PTPRN2: variants seen among roughly 807,000 people sequenced by gnomAD.
The protein encoded by PTPRN2 is receptor-type tyrosine-protein phosphatase N2.
PTPRN2 carries 74 observed loss-of-function variants against 118.8 expected under a neutral mutation model. The ratio of observed to expected loss-of-function variants is 0.62; its 90% confidence interval spans 0.52 to 0.76. The LOEUF is 0.76. Ranked by LOEUF, PTPRN2 falls within the 30% of genes least tolerant of loss-of-function variation. The pLI is 0.00. For missense variants in PTPRN2, 1,481 were observed against 1,394.4 expected, an observed-to-expected ratio of 1.06 and a Z score of -0.99; for synonymous variants, 641 against 608.0, an observed-to-expected ratio of 1.05 and a Z score of -0.80.
At chr7:157,859,607 CCCCCCAGCCACCACCCACA>C (rs1810038778) in intron 12 of PTPRN2, among the ~76,000 whole-genome samples, 1 of 49,274 alleles carries the variant, frequency 2.0e-5, no homozygotes, top group African/African-American at 1.3e-4. Context: ...GCAGGGAGAG[CCCCCCAGCCACCACCCACA>C]CTCCTGCAGG....
At chr7:157,697,541 C>T (rs767824183) in intron 12 of PTPRN2, among the ~76,000 whole-genome samples, 2 of 127,976 alleles carry the variant, frequency 1.6e-5, no homozygotes, top group Admixed American at 7.8e-5. Flanking sequence ...TGGATCTTGG[C>T]AGAGCCCTCA....
At chr7:157,853,630 T>C (rs1285139881) in intron 12 of PTPRN2, among the ~76,000 whole-genome samples, 1 of 152,138 alleles carries the variant, frequency 6.6e-6, no homozygotes, top group African/African-American at 2.4e-5. Flanking sequence ...GGAAGGGAAC[T>C]GTCCGAGGAG....
chr7:158,186,305 C>A (rs1415428688), intron 5 of PTPRN2, among the ~76,000 whole-genome samples: 1 of 152,070 alleles, frequency 6.6e-6, no homozygotes, highest in Non-Finnish European at 1.5e-5. Context: ...TCAGCTCTGG[C>A]AGATTTCTCC....
intron 3 of PTPRN2, among the ~76,000 whole-genome samples, chr7:158,281,791 T>C (rs550820551): frequency 6.6e-6 from 1 of 152,356 alleles, no homozygotes; most frequent in South Asian, 2.1e-4. Context: ...GGAAGTTTCT[T>C]GACAAAGGTC....
At chr7:158,457,451 A>G (rs890006813) in intron 2 of PTPRN2, among the ~76,000 whole-genome samples, 9 of 152,070 alleles carry the variant, frequency 5.9e-5, no homozygotes, top group African/African-American at 1.2e-4. Context: ...CTGCGGGACC[A>G]CAGCGGATGC....
At chr7:157,683,948 G>A (rs1291037519) in intron 12 of PTPRN2, among the ~76,000 whole-genome samples, 2 of 152,044 alleles carry the variant, frequency 1.3e-5, no homozygotes, top group Non-Finnish European at 2.9e-5. Flanking sequence ...ACCTAATTTC[G>A]CGTGGTAACA....
At chr7:157,982,136 C>G (rs4716861) in intron 11 of PTPRN2, among the ~76,000 whole-genome samples, 29,363 of 87,288 alleles carry the variant, frequency 0.34, 4,828 homozygotes, top group East Asian at 0.43. Flanking sequence ...CAGAGTGCAG[C>G]GTCCCCCATA....
chr7:158,150,785 C>T lies in PTPRN2; in HGVS notation c.911-12270G>A, dbSNP rs1320650330. On this transcript the variant is annotated intron_variant, in intron 6 of 22. Coordinates refer to ENST00000389418, the MANE Select transcript of PTPRN2 (RefSeq NM_002847.5). ...GCTGCGTATCTGCAGCACCGCGACC[C>T]AGCACTCCTCTCCCTCCGTGTCCTG... is the stretch of plus-strand genomic sequence containing the variant. Among the ~76,000 whole-genome samples, 7 of 151,904 alleles carry T rather than the reference C, an allele frequency of 4.6e-5. No individual in the cohort carries two copies. In the East Asian group the frequency reaches 9.7e-4, roughly 21 times the overall value.
chr7:158,142,060 G>A (rs536024901), intron 6 of PTPRN2, among the ~76,000 whole-genome samples: 6 of 152,322 alleles, frequency 3.9e-5, no homozygotes, highest in East Asian at 3.9e-4. Context: ...TGAAGTGTCC[G>A]TATTAACCCC....
At chr7:158,033,157 GACAGAGCCA>G (rs1807808604) in intron 11 of PTPRN2, among the ~76,000 whole-genome samples, 1 of 77,076 alleles carries the variant, frequency 1.3e-5, no homozygotes, top group Admixed American at 1.4e-4. Context: ...CACCAAGCCT[GACAGAGCCA>G]TTGGGGGCCA....
chr7:158,144,967 C>T (rs1014803387), intron 6 of PTPRN2, among the ~76,000 whole-genome samples: 3 of 141,442 alleles, frequency 2.1e-5, no homozygotes, highest in South Asian at 2.1e-4. Flanking sequence ...CTCACATCAT[C>T]GCAAGAAGGT....
At chr7:157,541,231 C>T (rs1217104809) in intron 22 of PTPRN2, among the ~76,000 whole-genome samples, 1 of 152,234 alleles carries the variant, frequency 6.6e-6, no homozygotes, top group Non-Finnish European at 1.5e-5. Context: ...ACAATGAGGG[C>T]CATGCTTGGG....
intron 14 of PTPRN2, among the ~76,000 whole-genome samples, chr7:157,649,122 T>TAGC (rs1805412884): frequency 9.4e-6 from 1 of 106,674 alleles, no homozygotes; most frequent in Non-Finnish European, 1.9e-5. Flanking sequence ...ACCCATTCAC[T>TAGC]GTGCACTGAA....
chr7:157,991,680 T>C (rs1804263427), intron 11 of PTPRN2, among the ~76,000 whole-genome samples: 1 of 152,190 alleles, frequency 6.6e-6, no homozygotes, highest in Non-Finnish European at 1.5e-5. Context: ...ACAGGGAGTG[T>C]TGGGGTGAGA....
At chr7:157,642,845 GC>G (rs1804785666) in intron 14 of PTPRN2, among the ~76,000 whole-genome samples, 1 of 80,020 alleles carries the variant, frequency 1.2e-5, no homozygotes, top group Non-Finnish European at 2.1e-5. Flanking sequence ...AAAAAAAAAA[GC>G]AGCTAAAACG....
At chr7:157,723,859 G>T (rs1032257127) in intron 12 of PTPRN2, among the ~76,000 whole-genome samples, 8 of 152,282 alleles carry the variant, frequency 5.3e-5, no homozygotes, top group Non-Finnish European at 1.0e-4. Context: ...TACACAGCAG[G>T]CCAGAAAGAC....
intron 3 of PTPRN2, among the ~76,000 whole-genome samples, chr7:158,273,194 G>A (rs761455983): frequency 6.6e-6 from 1 of 152,188 alleles, no homozygotes; most frequent in Non-Finnish European, 1.5e-5. Context: ...TCCTAGGACA[G>A]GGCACGTGGA....
intron 11 of PTPRN2, among the ~76,000 whole-genome samples, chr7:158,026,697 GC>G (rs971717942): frequency 6.6e-5 from 10 of 152,106 alleles, no homozygotes; most frequent in Non-Finnish European, 1.0e-4. Flanking sequence ...TTTCAAAGCT[GC>G]CCCCTGAGCC....
chr7:158,053,247 C>T lies in PTPRN2; in HGVS notation c.1723+28051G>A, dbSNP rs576838563. The stretch of plus-strand genomic sequence containing the variant: ...CCATCTGCAGCTGGGAACTAAAAGG[C>T]GCTTTAAAAATGACTGACACTGTAG... On this transcript the variant is annotated intron_variant, in intron 11 of 22. Transcript: ENST00000389418. Among the ~76,000 whole-genome samples the T allele has an allele frequency of 5.3e-5, 8 of 152,206 alleles. No individual in the cohort carries two copies. The East Asian group carries it at 5.8e-4, about 11-fold the overall frequency.
Sources: allele counts gnomAD v4.1 joint callset (sites outside exome capture counted in the v4.1 genomes callset), GRCh38; gene constraint gnomAD v4.1.1; transcripts MANE v1.5; gene names NCBI Gene and HGNC (gene_info 2026-07-23, HGNC 2026-07-21).